Variants in WFDC6 observed in about 807,000 individuals in gnomAD.
WFDC6 encodes WAP four-disulfide core domain 6.
A neutral mutation model predicts 8.2 loss-of-function variants in WFDC6; 10 were observed. The ratio of observed to expected loss-of-function variants is 1.22; its 90% CI spans 0.75 to 2.07. The LOEUF (loss-of-function observed/expected upper bound fraction) is 2.07. Among genes scored for constraint, WFDC6 ranks in the 30% most tolerant of loss-of-function variants. The pLI is 0.00. For synonymous variants in WFDC6, 28 were observed against 37.0 expected (o/e 0.76, Z 0.88); for missense variants, 105 against 104.9 (o/e 1.00, Z 0.00).
intron 1 of WFDC6, 99 bp downstream of exon 1, chr20:45,539,218 G>T: frequency 1.7e-6 from 2 of 1,187,194 alleles, no homozygotes; most frequent in Non-Finnish European, 2.5e-6. Context: ...CCAGGCAGAG[G>T]TGGAGAAAAT....
In WFDC6 at chr20:45,534,495, G is replaced by T. The variant is rs1432939325; in HGVS notation, c.233C>A (p.Thr78Asn). ...KCLDFRKVSL[T>N]LYHKEELE ...TTCAAGCTCCTCCTTATGGTATAAA[G>T]TAAGGCTGACCTGTGAAGCAGAAGA... The change falls in exon 3 of 3, where the codon ACT becomes AAT. Residue 78 changes from threonine (T) to asparagine (N), a missense_variant. Thr to Asn is a moderately conservative substitution (Grantham distance 65, BLOSUM62 0). Coordinates refer to ENST00000372670, the MANE Select transcript of WFDC6 (RefSeq NM_080827.2). The T allele has an allele frequency of 1.2e-6, 2 of 1,613,978 alleles. No individual in the cohort carries two copies. Among genetic ancestry groups the T allele is most frequent in the South Asian group, 1.1e-5 (1 of 91,078 alleles).
At chr20:45,539,052 A>G (rs1361136579) in intron 1 of WFDC6, among the ~76,000 whole-genome samples, 2 of 152,014 alleles carry the variant, frequency 1.3e-5, no homozygotes, top group Non-Finnish European at 2.9e-5. Flanking sequence ...ACTCCTTCTT[A>G]GTTCATTTCA....
At chr20:45,538,304 C>T (rs545507932) in intron 1 of WFDC6, among the ~76,000 whole-genome samples, 2 of 152,304 alleles carry the variant, frequency 1.3e-5, no homozygotes, top group Admixed American at 1.3e-4. Flanking sequence ...CTAAACCAAC[C>T]CCTACCCCCT....
In WFDC6 at chr20:45,537,816, C is replaced by T. The variant is rs1277933063; in HGVS notation, c.222+148G>A. ...AAATAAAATCCATGTCTCCCAAGTC[C>T]AGGACTGGCAGATTTGTGTCAAGTA... On this transcript the variant is annotated intron_variant, in intron 2 of 2. Coordinates refer to ENST00000372670, the MANE Select transcript of WFDC6 (RefSeq NM_080827.2). 145 of 1,452,756 alleles carry T rather than the reference C, an allele frequency of 1.0e-4. 1 individual carries two copies. The East Asian group carries it at 3.4e-3, about 35-fold the overall frequency. The allele number at this position is 1,452,756 out of a possible 1,614,324, so 90.0% of individuals were successfully genotyped here.
At chr20:45,535,716 A>G (rs932952143) in intron 2 of WFDC6, among the ~76,000 whole-genome samples, 1 of 151,814 alleles carries the variant, frequency 6.6e-6, no homozygotes, top group Non-Finnish European at 1.5e-5. Context: ...TTTTGCAAGG[A>G]CTCCATGAAA....
chr20:45,534,937 GT>G (rs1979307919), intron 2 of WFDC6, among the ~76,000 whole-genome samples: 1 of 152,180 alleles, frequency 6.6e-6, no homozygotes, highest in Non-Finnish European at 1.5e-5. Context: ...CACCACTTCT[GT>G]TTTCTCTCTA....
chr20:45,538,288 G>A (rs578000800), intron 1 of WFDC6, among the ~76,000 whole-genome samples, 194 bp from the exon 2 acceptor site: 2 of 152,094 alleles, frequency 1.3e-5, no homozygotes, highest in African/African-American at 2.4e-5. Context: ...ACTCACCATC[G>A]GATGCCTAAA....
intron 2 of WFDC6, among the ~76,000 whole-genome samples, chr20:45,534,882 G>A (rs1447905469): frequency 6.6e-6 from 1 of 152,222 alleles, no homozygotes; most frequent in Non-Finnish European, 1.5e-5. Flanking sequence ...GCCCAGGGCT[G>A]GGCTGGGTTT....
chr20:45,535,986 C>CTCT (rs1979349426), intron 2 of WFDC6, among the ~76,000 whole-genome samples: 1 of 152,214 alleles, frequency 6.6e-6, no homozygotes, highest in Non-Finnish European at 1.5e-5. Flanking sequence ...GCTAAGTGAA[C>CTCT]TCTTGTTCAT....
At chr20:45,535,896 C>T (rs2145541931) in intron 2 of WFDC6, among the ~76,000 whole-genome samples, 1 of 152,330 alleles carries the variant, frequency 6.6e-6, no homozygotes, top group Middle Eastern at 3.4e-3. Flanking sequence ...CACCCAACTT[C>T]CCAAACTTAT....
Position 45,534,402 on chromosome 20 carries a change from C to T in WFDC6, c.*65G>A, listed in dbSNP as rs1222392158. 4 of 1,605,948 alleles carry T rather than the reference C, an allele frequency of 2.5e-6. No individual in the cohort carries two copies. The highest frequency in any genetic ancestry group is 2.6e-6 in the Non-Finnish European group (3 of 1,172,872). On this transcript the variant is annotated 3_prime_UTR_variant, in exon 3 of 3. Transcript: ENST00000372670. ...ACAGCCAAGGTTTGGCCCGTGGAAG[C>T]CAATTTGGAGCATCAATCAGGCACA...
At chr20:45,537,934 A>G (rs369796449) in intron 2 of WFDC6, 30 bp downstream of exon 2, 11 of 1,613,602 alleles carry the variant, frequency 6.8e-6, no homozygotes, top group Non-Finnish European at 9.3e-6. Context: ...AGGTGAGGGC[A>G]CTGGGTAATT....
In WFDC6 at chr20:45,534,350, A is replaced by C; in HGVS notation, c.*117T>G. The C allele has an allele frequency of 1.7e-6, 2 of 1,198,338 alleles. No homozygotes were observed. Among genetic ancestry groups the C allele is most frequent in the South Asian group, 2.4e-5 (2 of 82,076 alleles). The allele number at this position is 1,198,338 out of a possible 1,614,324, so 74.2% of individuals were successfully genotyped here. ...ATGCTACGCTGGAAGAAAGTGTGTA[A>C]GCAATTCCTGGGGTTCAGTTTCTGG... On this transcript the variant is annotated 3_prime_UTR_variant, in exon 3 of 3. Transcript: ENST00000372670.
intron 1 of WFDC6, among the ~76,000 whole-genome samples, chr20:45,538,680 G>T (rs1394005165): frequency 6.6e-6 from 1 of 152,144 alleles, no homozygotes; most frequent in Admixed American, 6.5e-5. Flanking sequence ...AAATCTATGG[G>T]TAAGTACTCT....
At position 45,534,354 on chromosome 20, in the gene WFDC6, A is replaced by G; in HGVS notation, c.*113T>C. Reference sequence around the variant, plus strand: ...TACGCTGGAAGAAAGTGTGTAAGCAATTCCTGGGGTTCAGTTTCTGGAACA... The same window carrying G: ...TACGCTGGAAGAAAGTGTGTAAGCAGTTCCTGGGGTTCAGTTTCTGGAACA... On this transcript the variant is annotated 3_prime_UTR_variant, in exon 3 of 3. Coordinates refer to ENST00000372670, the MANE Select transcript of WFDC6 (RefSeq NM_080827.2). The G allele has an allele frequency of 8.0e-7, 1 of 1,253,760 alleles. No homozygotes were observed. The highest frequency in any genetic ancestry group is 1.7e-5 in the Admixed American group (1 of 59,302). 77.7% of individuals were successfully genotyped at this position (1,253,760 alleles called of 1,614,324 possible). A position where few individuals can be genotyped will look rare whatever the true frequency, so the allele number is the denominator to read the frequency against.
intron 2 of WFDC6, chr20:45,535,091 G>C (rs1273138035): frequency 1.6e-6 from 2 of 1,255,712 alleles, no homozygotes; most frequent in Non-Finnish European, 2.1e-6. Context: ...TCTTGGAATA[G>C]ACCAGCCAAC....
intron 2 of WFDC6, chr20:45,537,438 G>T: frequency 1.6e-6 from 2 of 1,221,398 alleles, no homozygotes; most frequent in East Asian, 2.5e-5. Context: ...TAGAATGAAC[G>T]AATGGTCCTT....
rs11467724 is a variant in WFDC6, at chr20:45,536,251, G to GAA, written c.222+1711_222+1712dup. On this transcript the variant is annotated intron_variant, in intron 2 of 2. Coordinates refer to ENST00000372670, the MANE Select transcript of WFDC6 (RefSeq NM_080827.2). ...AGAGGATGCTTCAGGAGTATTCACA[G>GAA]AAAAAAAAAAAAACCCAAAACTCAA... Among the ~76,000 whole-genome samples, 115 of 147,278 alleles carry GAA rather than the reference G, an allele frequency of 7.8e-4. 1 individual carries two copies. Among genetic ancestry groups the GAA allele is most frequent in the Middle Eastern group, 3.6e-3 (1 of 280 alleles).
At chr20:45,539,288 A>T (rs779665929) in intron 1 of WFDC6, 29 bp downstream of exon 1, 6 of 1,603,250 alleles carry the variant, frequency 3.7e-6, no homozygotes, top group East Asian at 2.2e-5. Context: ...TCCTTTCCCC[A>T]TTGCAAGGAC....
Sources: allele counts gnomAD v4.1 joint callset (sites outside exome capture counted in the v4.1 genomes callset), GRCh38; gene constraint gnomAD v4.1.1; transcripts MANE v1.5; gene names NCBI Gene and HGNC (gene_info 2026-07-23, HGNC 2026-07-21).